SLIT3: variants seen among roughly 807,000 people sequenced by gnomAD.
SLIT3 encodes the protein slit homolog 3 protein.
SLIT3 carries 68 observed loss-of-function variants against 184.0 expected under a neutral mutation model. The observed-to-expected ratio is 0.37, with a 90% CI of 0.30 to 0.45. SLIT3 has a LOEUF of 0.45. Ranked by LOEUF, SLIT3 falls within the 20% of genes least tolerant of loss-of-function variation. The pLI, the probability that SLIT3 is intolerant of heterozygous loss-of-function variation, is 1.00. For synonymous variants in SLIT3, 831 were observed against 828.6 expected, an observed-to-expected ratio of 1.00 and a Z score of -0.05; for missense variants, 1,707 against 2,026.0, an observed-to-expected ratio of 0.84 and a Z score of 3.02.
intron 4 of SLIT3, among the ~76,000 whole-genome samples, chr5:169,068,617 T>G (rs143044103): frequency 7.0e-4 from 107 of 152,226 alleles, no homozygotes; most frequent in African/African-American, 2.3e-3. Flanking sequence ...CAACTCAGGG[T>G]TGACAGAAAA....
intron 32 of SLIT3, among the ~76,000 whole-genome samples, chr5:168,674,196 T>C (rs756377638): frequency 2.0e-5 from 3 of 152,306 alleles, no homozygotes; most frequent in Middle Eastern, 3.4e-3. Flanking sequence ...CTAGGTAAGT[T>C]TGTTATCTCC....
intron 20 of SLIT3, among the ~76,000 whole-genome samples, chr5:168,727,785 G>T (rs1763176970): frequency 6.6e-6 from 1 of 152,166 alleles, no homozygotes; most frequent in Non-Finnish European, 1.5e-5. Context: ...CTGGGAGGGG[G>T]TATGTATCCA....
In SLIT3 at chr5:169,212,273, C is replaced by T. The variant is rs10053890; in HGVS notation, c.342-18723G>A. 9.3e-3 allele frequency among the ~76,000 whole-genome samples: 1,411 copies of T among 152,282 alleles called. 23 individuals carry two copies. The highest frequency in any genetic ancestry group is 0.032 in the African/African-American group (1,324 of 41,548). On this transcript the variant is annotated intron_variant, in intron 3 of 35. Transcript: ENST00000519560. Reference sequence around the variant, plus strand: ...TGTTCTTATTTCTCCACATCCTCTCCAGCACCTGTTGTTTCCTGACTTTTT... The same window carrying T: ...TGTTCTTATTTCTCCACATCCTCTCTAGCACCTGTTGTTTCCTGACTTTTT...
chr5:168,971,418 G>A (rs1049751887), intron 4 of SLIT3, among the ~76,000 whole-genome samples: 1 of 152,168 alleles, frequency 6.6e-6, no homozygotes, highest in Non-Finnish European at 1.5e-5. Flanking sequence ...CCCCATTGCA[G>A]GAATCATTTC....
chr5:168,831,875 C>G (rs760805755), intron 6 of SLIT3, among the ~76,000 whole-genome samples: 3 of 152,182 alleles, frequency 2.0e-5, no homozygotes, highest in African/African-American at 7.2e-5. Flanking sequence ...TCCATCCACT[C>G]GGCAGAGCCT....
intron 4 of SLIT3, among the ~76,000 whole-genome samples, chr5:169,034,590 A>G (rs1459352523): frequency 6.6e-6 from 1 of 152,128 alleles, no homozygotes; most frequent in Non-Finnish European, 1.5e-5. Context: ...GTCTTTTTCA[A>G]TATAAAATTA....
At chr5:169,103,636 G>C (rs295991) in intron 4 of SLIT3, among the ~76,000 whole-genome samples, 4,026 of 152,276 alleles carry the variant, frequency 0.026, 184 homozygotes, top group African/African-American at 0.093. Flanking sequence ...TGCTGTTACC[G>C]GGAGGTGGGT....
At chr5:169,044,470 T>C (rs1387884032) in intron 4 of SLIT3, among the ~76,000 whole-genome samples, 1 of 151,442 alleles carries the variant, frequency 6.6e-6, no homozygotes, top group African/African-American at 2.4e-5. Flanking sequence ...TGCTAAATGA[T>C]AGAAGTCAGA....
At chr5:169,299,654 A>C (rs1485126878) in intron 1 of SLIT3, among the ~76,000 whole-genome samples, 2 of 152,192 alleles carry the variant, frequency 1.3e-5, no homozygotes, top group Non-Finnish European at 2.9e-5. Flanking sequence ...TCCGAGGATC[A>C]AAATGATAAA....
At position 168,748,430 on chromosome 5, in the gene SLIT3, G is replaced by A. The variant is rs918214874; in HGVS notation, c.2142C>T (p.Asn714=). The A allele has an allele frequency of 1.3e-6, 2 of 1,523,410 alleles. No individual in the cohort carries two copies. Among genetic ancestry groups the A allele is most frequent in the Non-Finnish European group, 1.7e-6 (2 of 1,148,070 alleles). The allele number at this position is 1,523,410 out of a possible 1,614,324, so 94.4% of individuals were successfully genotyped here. ...VAIQDFTCDG[N]EESSCQLSPR... Reference sequence around the variant, plus strand: ...GGCTCAGCTGGCAGCTACTCTCCTCGTTGCCTGTGGAGAGCCCCAGAGAGG... The same window carrying A: ...GGCTCAGCTGGCAGCTACTCTCCTCATTGCCTGTGGAGAGCCCCAGAGAGG... The change falls in exon 20 of 36, where the codon AAC becomes AAT. Residue 714 remains asparagine, a synonymous_variant. Coordinates refer to ENST00000519560, the MANE Select transcript of SLIT3 (RefSeq NM_003062.4).
At chr5:168,673,041 C>A in intron 33 of SLIT3, 136 bp downstream of exon 33, 1 of 798,418 alleles carries the variant, frequency 1.3e-6, no homozygotes, top group Non-Finnish European at 2.1e-6. Context: ...AGTGCTTATT[C>A]ACCTTTTAGA....
At chr5:169,153,656 C>T (rs1486099846) in intron 4 of SLIT3, among the ~76,000 whole-genome samples, 1 of 152,242 alleles carries the variant, frequency 6.6e-6, no homozygotes, top group Non-Finnish European at 1.5e-5. Context: ...AGGGCTTGTC[C>T]TAAATCAGCA....
At chr5:169,299,691 A>G (rs1036282070) in intron 1 of SLIT3, among the ~76,000 whole-genome samples, 1 of 152,192 alleles carries the variant, frequency 6.6e-6, no homozygotes, top group Non-Finnish European at 1.5e-5. Context: ...ACATATGAAA[A>G]GTAAATATTT....
intron 4 of SLIT3, among the ~76,000 whole-genome samples, chr5:169,016,482 C>T (rs1756379648): frequency 6.6e-6 from 1 of 152,160 alleles, no homozygotes; most frequent in South Asian, 2.1e-4. Flanking sequence ...TTTATAAAAA[C>T]TAATAAATGA....
At chr5:168,749,134 T>G (rs1754607118) in intron 19 of SLIT3, among the ~76,000 whole-genome samples, 1 of 152,206 alleles carries the variant, frequency 6.6e-6, no homozygotes, top group Admixed American at 6.5e-5. Context: ...CCAATCTCAC[T>G]GTGGACATGA....
chr5:169,258,940 C>A (rs535111114), intron 1 of SLIT3, among the ~76,000 whole-genome samples: 38 of 152,288 alleles, frequency 2.5e-4, no homozygotes, highest in African/African-American at 9.1e-4. Flanking sequence ...TGAATCTCAA[C>A]CTTTTCACTC....
intron 4 of SLIT3, among the ~76,000 whole-genome samples, chr5:169,180,767 A>G (rs1763127139): frequency 6.6e-6 from 1 of 152,232 alleles, no homozygotes; most frequent in African/African-American, 2.4e-5. Flanking sequence ...ATTTAAATAA[A>G]GGAAGTGTCA....
At chr5:169,249,302 T>TG (rs916574206) in intron 2 of SLIT3, among the ~76,000 whole-genome samples, 108 of 151,846 alleles carry the variant, frequency 7.1e-4, no homozygotes, top group African/African-American at 2.4e-3. Flanking sequence ...TACTGGGGGA[T>TG]GGGGGGTAGG....
chr5:168,712,481 A>G, intron 23 of SLIT3, 127 bp from the exon 24 acceptor site: 2 of 758,718 alleles, frequency 2.6e-6, no homozygotes, highest in East Asian at 2.5e-5. Context: ...TCCTAGCAGT[A>G]GCTGCTGCCC....
Sources: gnomAD v4.1 joint callset for allele counts (sites outside exome capture counted in the v4.1 genomes callset) on GRCh38, gnomAD v4.1.1 for gene constraint, MANE v1.5 for transcripts, NCBI Gene and HGNC (gene_info 2026-07-23, HGNC 2026-07-21) for gene names.